Variants in CEMIP observed in about 807,000 individuals in gnomAD.
CEMIP encodes cell migration inducing hyaluronidase 1, also known as cell migration-inducing and hyaluronan-binding protein.
Under a neutral mutation model 156.9 loss-of-function variants are expected in CEMIP, and 105 were observed. The ratio of observed to expected loss-of-function variants is 0.67; its 90% CI spans 0.57 to 0.79. The LOEUF is 0.79. Among genes scored for constraint, CEMIP ranks in the 30% least tolerant of loss-of-function variants. The pLI is 0.00. For synonymous variants in CEMIP, 676 were observed against 668.4 expected (o/e 1.01, Z -0.17); for missense variants, 1,457 against 1,769.4 (o/e 0.82, Z 3.17).
chr15:80,871,370 G>A (rs1898285792), intron 1 of CEMIP, among the ~76,000 whole-genome samples: 1 of 152,180 alleles, frequency 6.6e-6, no homozygotes. Context: ...AGGGGGTTGA[G>A]CATTATTCCT....
chr15:80,803,446 A>G (rs1896430444), intron 1 of CEMIP, among the ~76,000 whole-genome samples: 1 of 152,126 alleles, frequency 6.6e-6, no homozygotes, highest in African/African-American at 2.4e-5. Context: ...GCCAAACCCA[A>G]AACGTTTAAC....
In CEMIP at chr15:80,835,594, C is replaced by T. The variant is rs535969864; in HGVS notation, c.-175-37944C>T. Among the ~76,000 whole-genome samples, 8 of 152,346 alleles carry T rather than the reference C, an allele frequency of 5.3e-5. No individual in the cohort carries two copies. In the East Asian group the frequency reaches 5.8e-4, roughly 11 times the overall value. On this transcript the variant is annotated intron_variant, in intron 1 of 29. Coordinates refer to ENST00000394685, the MANE Select transcript of CEMIP (RefSeq NM_001293298.2). Reference sequence around the variant, plus strand: ...TGTGGAATCTACCAGCCTGTCTTTCCGTAGTCTGCATCCACGGGGTGCCCA... The same window carrying T: ...TGTGGAATCTACCAGCCTGTCTTTCTGTAGTCTGCATCCACGGGGTGCCCA...
intron 14 of CEMIP, among the ~76,000 whole-genome samples, chr15:80,912,806 T>C (rs1900118984): frequency 6.6e-6 from 1 of 152,204 alleles, no homozygotes; most frequent in Non-Finnish European, 1.5e-5. Context: ...TACATTTGCT[T>C]CCTTCATTTT....
At chr15:80,854,804 C>T (rs544938254) in intron 1 of CEMIP, among the ~76,000 whole-genome samples, 335 of 152,138 alleles carry the variant, frequency 2.2e-3, no homozygotes, top group Non-Finnish European at 4.5e-3. Flanking sequence ...AAAATAAATC[C>T]ACGAGATAAT....
intron 1 of CEMIP, among the ~76,000 whole-genome samples, chr15:80,833,593 G>A (rs1897203608): frequency 6.6e-6 from 1 of 152,036 alleles, no homozygotes; most frequent in African/African-American, 2.4e-5. Flanking sequence ...TGGGGGGCAT[G>A]GGCAGAGGCA....
intron 23 of CEMIP, among the ~76,000 whole-genome samples, chr15:80,935,420 G>C (rs927092264): frequency 6.6e-6 from 1 of 152,142 alleles, no homozygotes; most frequent in African/African-American, 2.4e-5. Flanking sequence ...CTCATCGTTA[G>C]AGCTTGCCAG....
At chr15:80,850,757 A>T (rs748792181) in intron 1 of CEMIP, among the ~76,000 whole-genome samples, 8 of 152,206 alleles carry the variant, frequency 5.3e-5, no homozygotes, top group Non-Finnish European at 1.2e-4. Context: ...CAGGTCTGTC[A>T]GCTCACCCCC....
intron 6 of CEMIP, among the ~76,000 whole-genome samples, chr15:80,882,165 G>A (rs565944126): frequency 6.6e-6 from 1 of 152,330 alleles, no homozygotes; most frequent in Admixed American, 6.5e-5. Context: ...GGCAGGAGCT[G>A]AAGTGCTTGC....
intron 1 of CEMIP, among the ~76,000 whole-genome samples, chr15:80,839,686 C>T (rs1160130810): frequency 6.6e-6 from 1 of 152,192 alleles, no homozygotes; most frequent in African/African-American, 2.4e-5. Flanking sequence ...TAGAAAGTTC[C>T]ATCCTCTTCA....
intron 12 of CEMIP, among the ~76,000 whole-genome samples, chr15:80,898,007 C>T (rs142232163): frequency 1.5e-4 from 23 of 152,360 alleles, no homozygotes; most frequent in Non-Finnish European, 2.8e-4. Flanking sequence ...ATATTCACAA[C>T]AATGTGAGCA....
At chr15:80,893,814 T>C (rs1475848270) in intron 10 of CEMIP, among the ~76,000 whole-genome samples, 2 of 151,700 alleles carry the variant, frequency 1.3e-5, no homozygotes, top group Non-Finnish European at 1.5e-5. Context: ...TTTAAAACAA[T>C]GTTTCCTAAA....
At chr15:80,921,430 C>T (rs1329281163) in intron 16 of CEMIP, among the ~76,000 whole-genome samples, 3 of 152,176 alleles carry the variant, frequency 2.0e-5, no homozygotes, top group Non-Finnish European at 4.4e-5. Context: ...GTTGTAAGCT[C>T]ACATAATTTG....
At chr15:80,938,537 G>A (rs1475468843) in intron 25 of CEMIP, among the ~76,000 whole-genome samples, 2 of 152,126 alleles carry the variant, frequency 1.3e-5, no homozygotes, top group Admixed American at 6.5e-5. Context: ...CCTGGGAGGC[G>A]GAGGTTGCAG....
chr15:80,889,173 T>C (rs1407125146), intron 9 of CEMIP, among the ~76,000 whole-genome samples: 1 of 152,268 alleles, frequency 6.6e-6, no homozygotes, highest in African/African-American at 2.4e-5. Context: ...GTTGCAGTCC[T>C]TGGATAACGG....
intron 16 of CEMIP, among the ~76,000 whole-genome samples, chr15:80,921,767 G>A (rs191351825): frequency 1.3e-5 from 2 of 152,354 alleles, no homozygotes; most frequent in Admixed American, 6.5e-5. Context: ...CAGCATTTCT[G>A]AGCCATGTCT....
At chr15:80,845,084 G>A (rs1897521343) in intron 1 of CEMIP, among the ~76,000 whole-genome samples, 2 of 152,070 alleles carry the variant, frequency 1.3e-5, no homozygotes, top group Admixed American at 6.5e-5. Context: ...AAGCTAAATT[G>A]TTCTGCATAA....
intron 5 of CEMIP, 28 bp from the exon 6 acceptor site, chr15:80,880,872 A>G (rs1280945611): frequency 2.5e-6 from 4 of 1,590,380 alleles, no homozygotes; most frequent in South Asian, 2.2e-5. Flanking sequence ...TGTGTCAGCC[A>G]ACTCTGGGGA....
intron 12 of CEMIP, chr15:80,896,484 T>C (rs1899228461): frequency 2.6e-6 from 1 of 388,178 alleles, no homozygotes; most frequent in Non-Finnish European, 5.1e-6. Context: ...TAGGGAAGCA[T>C]ATGTCTGTCA....
intron 14 of CEMIP, among the ~76,000 whole-genome samples, chr15:80,916,722 A>G (rs745660344): frequency 7.9e-5 from 12 of 152,314 alleles, no homozygotes; most frequent in South Asian, 2.1e-4. Context: ...AAGAAAATTT[A>G]GACGTCATCC....
Sources: allele counts gnomAD v4.1 joint callset (sites outside exome capture counted in the v4.1 genomes callset), GRCh38; gene constraint gnomAD v4.1.1; transcripts MANE v1.5; gene names NCBI Gene and HGNC (gene_info 2026-07-23, HGNC 2026-07-21).